ATP6V1E2: variants seen among roughly 807,000 people sequenced by gnomAD.
ATP6V1E2 encodes ATPase H+ transporting V1 subunit E2.
For synonymous variants in ATP6V1E2, 121 were observed against 104.2 expected (o/e 1.16, Z -0.98); for missense variants, 308 against 273.3 (o/e 1.13, Z -0.90).
chr2:46,532,710 A>G (rs1667241767), intron 4 of ATP6V1E2, among the ~76,000 whole-genome samples: 1 of 152,214 alleles, frequency 6.6e-6, no homozygotes, highest in Admixed American at 6.5e-5. Flanking sequence ...CCTCTGGAGC[A>G]TGCAGCAACA....
At chr2:46,513,431 C>CTCCAT (rs1337134172) in intron 4 of ATP6V1E2, among the ~76,000 whole-genome samples, 1 of 152,226 alleles carries the variant, frequency 6.6e-6, no homozygotes, top group Non-Finnish European at 1.5e-5. Context: ...TGTCTGTAAG[C>CTCCAT]TCCATTTGGT....
Position 46,535,789 on chromosome 2 carries a change from T to A in ATP6V1E2, c.-102+24A>T, listed in dbSNP as rs1243493115. On this transcript the variant is annotated intron_variant, in intron 4 of 4. Transcript: ENST00000522587. The surrounding 1 kb of genome is among the most constrained non-coding windows in gnomAD (Gnocchi z 4.4). ...TTCAGCTTCTATAAGGAAGGGATAT[T>A]CTTTTCTTCCCACCAAGGCTCACCA... 1 of 152,250 alleles carries A rather than the reference T, an allele frequency of 6.6e-6. No homozygotes were observed. Among genetic ancestry groups the A allele is most frequent in the African/African-American group, 2.4e-5 (1 of 41,450 alleles). The allele number at this position is 152,250 out of a possible 1,614,324, so 9.4% of individuals were successfully genotyped here.
intron 2 of ATP6V1E2, among the ~76,000 whole-genome samples, chr2:46,537,922 G>C (rs1201631301): frequency 6.6e-6 from 1 of 151,970 alleles, no homozygotes; most frequent in East Asian, 1.9e-4. Context: ...GGCTCAAAAA[G>C]CAAGGAAGAA....
In ATP6V1E2 at chr2:46,512,049, G is replaced by C; in HGVS notation, c.663C>G (p.Asn221Lys). The C allele has an allele frequency of 6.3e-7, 1 of 1,598,684 alleles. No homozygotes were observed. The highest frequency in any genetic ancestry group is 1.7e-5 in the Admixed American group (1 of 57,314). The change falls in exon 5 of 5, where the codon AAC (asparagine) becomes AAG (lysine). Residue 221 changes from asparagine to lysine, a missense_variant. Physicochemically the swap from Asn to Lys is moderately conservative, Grantham distance 94. Transcript: ENST00000522587. The part of the protein sequence containing the change: ...IRMALFGANT[N>K]RKFFI ...CAGAGGCTTATATAAAGAACTTTCT[G>C]TTGGTGTTAGCACCAAACAAGGCCA...
intron 2 of ATP6V1E2, among the ~76,000 whole-genome samples, chr2:46,540,352 C>T (rs954580187): frequency 6.8e-6 from 1 of 147,582 alleles, no homozygotes; most frequent in African/African-American, 2.5e-5. Flanking sequence ...ACCAGGGAGG[C>T]AGAGGTTGCA....
At chr2:46,525,068 T>C (rs1358213610) in intron 4 of ATP6V1E2, among the ~76,000 whole-genome samples, 2 of 151,954 alleles carry the variant, frequency 1.3e-5, no homozygotes, top group African/African-American at 4.8e-5. Flanking sequence ...AGACAAGGCA[T>C]CGCGATTGGA....
intron 2 of ATP6V1E2, among the ~76,000 whole-genome samples, chr2:46,540,197 G>C (rs2167317): frequency 0.27 from 41,397 of 151,958 alleles, 6,328 homozygotes; most frequent in East Asian, 0.71. Context: ...GAGGCAGGCG[G>C]ATCACTTTGA....
chr2:46,534,930 A>G (rs375926688), intron 4 of ATP6V1E2: 9 of 152,318 alleles, frequency 5.9e-5, no homozygotes, highest in African/African-American at 2.2e-4. Context: ...CACCTTATGC[A>G]TGTGCAGCTT....
intron 4 of ATP6V1E2, 26 bp from the exon 5 acceptor site, chr2:46,512,838 A>T (rs1485488101): frequency 5.2e-6 from 4 of 762,654 alleles, no homozygotes; most frequent in South Asian, 3.7e-5. Flanking sequence ...AGAGGATGAA[A>T]GAGAAAGTCA....
At chr2:46,525,431 C>T (rs1181038141) in intron 4 of ATP6V1E2, among the ~76,000 whole-genome samples, 22 of 142,918 alleles carry the variant, frequency 1.5e-4, no homozygotes, top group Admixed American at 1.3e-3. Flanking sequence ...CACAGCACTC[C>T]CGCCTGGGCG....
intron 4 of ATP6V1E2, among the ~76,000 whole-genome samples, chr2:46,529,464 T>C (rs541253912): frequency 6.6e-6 from 1 of 152,340 alleles, no homozygotes; most frequent in East Asian, 1.9e-4. Flanking sequence ...AGTAGCTTAA[T>C]AATGATTTGG....
intron 4 of ATP6V1E2, among the ~76,000 whole-genome samples, chr2:46,523,602 G>C (rs148467152): frequency 3.7e-3 from 567 of 152,196 alleles, no homozygotes; most frequent in Middle Eastern, 6.8e-3. Context: ...GTCTGTTTTG[G>C]TACCAGTACC....
At chr2:46,527,592 T>G (rs1004627223) in intron 4 of ATP6V1E2, among the ~76,000 whole-genome samples, 1 of 152,088 alleles carries the variant, frequency 6.6e-6, no homozygotes, top group Non-Finnish European at 1.5e-5. Flanking sequence ...GTCTTGAACT[T>G]TTGGCCTCAA....
intron 4 of ATP6V1E2, chr2:46,528,069 C>A (rs1038432866): frequency 1.3e-5 from 2 of 152,004 alleles, no homozygotes; most frequent in East Asian, 1.9e-4. Context: ...GAAATGAAAC[C>A]AAATAGAATC....
At chr2:46,518,378 G>A (rs1471407375) in intron 4 of ATP6V1E2, among the ~76,000 whole-genome samples, 2 of 152,014 alleles carry the variant, frequency 1.3e-5, no homozygotes, top group African/African-American at 4.8e-5. Flanking sequence ...TTCAATGGGT[G>A]TAGTTTTCGT....
At chr2:46,525,522 A>G (rs1435302558) in intron 4 of ATP6V1E2, among the ~76,000 whole-genome samples, 1 of 150,550 alleles carries the variant, frequency 6.6e-6, no homozygotes, top group Non-Finnish European at 1.5e-5. Context: ...CTCCCTGGCG[A>G]GCAAGCTTGG....
intron 4 of ATP6V1E2, among the ~76,000 whole-genome samples, chr2:46,516,078 G>T (rs974516093): frequency 3.3e-5 from 5 of 152,126 alleles, no homozygotes; most frequent in African/African-American, 1.2e-4. Context: ...TACAATAATA[G>T]TAGGAAATTT....
intron 4 of ATP6V1E2, among the ~76,000 whole-genome samples, chr2:46,532,105 A>T (rs1160349552): frequency 1.3e-5 from 2 of 152,162 alleles, no homozygotes; most frequent in Non-Finnish European, 1.5e-5. Context: ...GAAACTGTTG[A>T]TCTATCCCTA....
At chr2:46,541,951 G>C (rs1343916667) in intron 1 of ATP6V1E2, 1 of 152,306 alleles carries the variant, frequency 6.6e-6, no homozygotes, top group Non-Finnish European at 1.5e-5. Context: ...GGCCTCCAGG[G>C]GGAGCCCAGG....
Sources: gnomAD v4.1 joint callset for allele counts (sites outside exome capture counted in the v4.1 genomes callset) on GRCh38, gnomAD v4.1.1 for gene constraint, Gnocchi (gnomAD v3.1) non-coding constraint, MANE v1.5 for transcripts, NCBI Gene and HGNC (gene_info 2026-07-23, HGNC 2026-07-21) for gene names.